ADGRL3: variants seen among roughly 807,000 people sequenced by gnomAD.
The protein encoded by ADGRL3 is adhesion G protein-coupled receptor L3.
Under a neutral mutation model 153.5 loss-of-function variants are expected in ADGRL3, and 62 were observed. The observed-to-expected ratio is 0.40, with a 90% CI of 0.33 to 0.50. ADGRL3 has a LOEUF of 0.50. Among genes scored for constraint, ADGRL3 ranks in the 20% least tolerant of loss-of-function variants. The pLI is 0.47. For missense variants in ADGRL3, 1,641 were observed against 1,859.4 expected, an observed-to-expected ratio of 0.88 and a Z score of 2.16; for synonymous variants, 710 against 672.5, an observed-to-expected ratio of 1.06 and a Z score of -0.86.
intron 21 of ADGRL3, among the ~76,000 whole-genome samples, chr4:62,010,934 T>C (rs1320471325): frequency 6.6e-6 from 1 of 152,156 alleles, no homozygotes; most frequent in African/African-American, 2.4e-5. Context: ...GAATAAAGTT[T>C]CAAAACCAAG....
At chr4:61,274,575 A>T (rs765667362) in intron 1 of ADGRL3, among the ~76,000 whole-genome samples, 14 of 152,164 alleles carry the variant, frequency 9.2e-5, no homozygotes, top group Non-Finnish European at 1.8e-4. Flanking sequence ...AAAACAACAT[A>T]TTAAGGGTTA....
At chr4:61,549,127 G>A (rs980308169) in intron 4 of ADGRL3, among the ~76,000 whole-genome samples, 1 of 151,778 alleles carries the variant, frequency 6.6e-6, no homozygotes, top group African/African-American at 2.4e-5. Flanking sequence ...TTCTTGATTT[G>A]GCTCTCAGCT....
At chr4:61,224,464 A>G (rs1333375564) in intron 1 of ADGRL3, among the ~76,000 whole-genome samples, 1 of 152,138 alleles carries the variant, frequency 6.6e-6, no homozygotes, top group Non-Finnish European at 1.5e-5. Context: ...AGCATTATGT[A>G]TCTTTATGTT....
At chr4:61,220,326 T>G (rs1744903942) in intron 1 of ADGRL3, among the ~76,000 whole-genome samples, 1 of 152,098 alleles carries the variant, frequency 6.6e-6, no homozygotes, top group Admixed American at 6.5e-5. Context: ...ATAACTTGTT[T>G]GTCTCATGAT....
At position 62,028,847 on chromosome 4, in the gene ADGRL3, T is replaced by C; in HGVS notation, c.3396-8T>C. ...GTGTTCTTGTCTTTATGTCTATGCATTCTTTAGCTATGAGGATAACAGACC... is the reference window on the plus strand; with the variant it reads ...GTGTTCTTGTCTTTATGTCTATGCACTCTTTAGCTATGAGGATAACAGACC... On this transcript the variant is annotated splice_region_variant and splice_polypyrimidine_tract_variant and intron_variant, in intron 21 of 26. Transcript: ENST00000683033. 1 of 1,603,076 alleles carries C rather than the reference T, an allele frequency of 6.2e-7. No homozygotes were observed. Among genetic ancestry groups the C allele is most frequent in the Non-Finnish European group, 8.5e-7 (1 of 1,173,720 alleles).
At chr4:61,470,587 TA>T in intron 2 of ADGRL3, among the ~76,000 whole-genome samples, 1 of 151,964 alleles carries the variant, frequency 6.6e-6, no homozygotes, top group Non-Finnish European at 1.5e-5. Flanking sequence ...CGAATATAAA[TA>T]TATGCTGCAG....
At chr4:61,271,068 AT>A (rs933075141) in intron 1 of ADGRL3, among the ~76,000 whole-genome samples, 1 of 151,866 alleles carries the variant, frequency 6.6e-6, no homozygotes, top group African/African-American at 2.4e-5. Flanking sequence ...TCTTAAAAAA[AT>A]AATAGTAACA....
At chr4:61,783,498 G>T (rs2152394378) in intron 8 of ADGRL3, among the ~76,000 whole-genome samples, 1 of 152,178 alleles carries the variant, frequency 6.6e-6, no homozygotes, top group Admixed American at 6.5e-5. Context: ...TTGAAAAGAG[G>T]TAGTTCTAGG....
chr4:61,307,717 TATA>T (rs1264334075), intron 1 of ADGRL3, among the ~76,000 whole-genome samples: 1 of 152,138 alleles, frequency 6.6e-6, no homozygotes, highest in East Asian at 1.9e-4. Flanking sequence ...ATAAATGTAA[TATA>T]ATATGAAAAA....
chr4:61,433,767 A>G (rs541182899), intron 2 of ADGRL3, among the ~76,000 whole-genome samples: 39 of 152,304 alleles, frequency 2.6e-4, no homozygotes, highest in Admixed American at 5.2e-4. Context: ...TAATTGACAT[A>G]TCAGTTGGAT....
At chr4:61,486,657 C>T (rs2098198058) in intron 2 of ADGRL3, among the ~76,000 whole-genome samples, 1 of 152,160 alleles carries the variant, frequency 6.6e-6, no homozygotes, top group African/African-American at 2.4e-5. Context: ...TCTCAGTTCC[C>T]TTTTAAGGAA....
rs77773612 is a variant in ADGRL3, at chr4:61,508,671, T to A, written c.56-8644T>A. Among the ~76,000 whole-genome samples, 1,610 of 152,270 alleles carry A rather than the reference T, an allele frequency of 0.011. 80 individuals carry two copies. The East Asian group carries it at 0.17, about 16-fold the overall frequency. ...TATTGCATGACTCTGAGGCAAATGA[T>A]CCTGTCACCCAGGGTAATGAGCATA... On this transcript the variant is annotated intron_variant, in intron 3 of 26. Coordinates refer to ENST00000683033, the MANE Select transcript of ADGRL3 (RefSeq NM_001387552.1).
intron 1 of ADGRL3, among the ~76,000 whole-genome samples, chr4:61,224,526 G>T (rs1438945706): frequency 6.6e-6 from 1 of 152,202 alleles, no homozygotes; most frequent in Non-Finnish European, 1.5e-5. Flanking sequence ...ATACAGAAAA[G>T]TTGGTCTTAT....
intron 2 of ADGRL3, among the ~76,000 whole-genome samples, chr4:61,411,817 A>AT (rs2097091411): frequency 6.6e-6 from 1 of 152,288 alleles, no homozygotes; most frequent in South Asian, 2.1e-4. Flanking sequence ...TATTTCAGAG[A>AT]TTCCCCAAAC....
intron 17 of ADGRL3, among the ~76,000 whole-genome samples, chr4:61,958,377 G>GTTTC (rs3065141): frequency 0.22 from 32,857 of 147,842 alleles, 3,799 homozygotes; most frequent in African/African-American, 0.28. Context: ...TGTTGTAAAG[G>GTTTC]TTTCTTTCTT....
At chr4:61,481,814 GTATT>G (rs2098134732) in intron 2 of ADGRL3, among the ~76,000 whole-genome samples, 1 of 151,816 alleles carries the variant, frequency 6.6e-6, no homozygotes, top group Non-Finnish European at 1.5e-5. Flanking sequence ...ACAGAAAAAA[GTATT>G]TATCTTCTCT....
chr4:61,783,706 A>T (rs866528345), intron 8 of ADGRL3, among the ~76,000 whole-genome samples: 1 of 152,110 alleles, frequency 6.6e-6, no homozygotes, highest in Admixed American at 6.5e-5. Flanking sequence ...AGAGGCAACA[A>T]ACTTGAAGAG....
At chr4:61,541,842 T>TACACAC (rs3075148) in intron 4 of ADGRL3, among the ~76,000 whole-genome samples, 4,412 of 146,524 alleles carry the variant, frequency 0.03, 83 homozygotes, top group Non-Finnish European at 0.047. Context: ...TGTGTGTGTA[T>TACACAC]ACACACACAC....
intron 1 of ADGRL3, among the ~76,000 whole-genome samples, chr4:61,290,852 G>T (rs182890330): frequency 1.3e-5 from 2 of 152,014 alleles, no homozygotes; most frequent in Non-Finnish European, 2.9e-5. Flanking sequence ...TTATCCAGTG[G>T]CATGTTATGA....
Sources: gnomAD v4.1 joint callset for allele counts (sites outside exome capture counted in the v4.1 genomes callset) on GRCh38, gnomAD v4.1.1 for gene constraint, MANE v1.5 for transcripts, NCBI Gene and HGNC (gene_info 2026-07-23, HGNC 2026-07-21) for gene names.